Variants in CYSTM1 observed in about 807,000 individuals in gnomAD.
CYSTM1 encodes the protein cysteine rich transmembrane module containing 1.
Under a neutral mutation model 13.1 loss-of-function variants are expected in CYSTM1, and 4 were observed. The ratio of observed to expected loss-of-function variants is 0.31; its 90% CI spans 0.15 to 0.70. The LOEUF is 0.70. Among genes scored for constraint, CYSTM1 ranks in the 30% least tolerant of loss-of-function variants. CYSTM1 has a pLI of 0.72. For missense variants in CYSTM1, 96 were observed against 121.6 expected (o/e 0.79, Z 0.99); for synonymous variants, 36 against 42.7 (o/e 0.84, Z 0.62).
intron 2 of CYSTM1, among the ~76,000 whole-genome samples, chr5:140,237,065 CCTT>C (rs780195091): frequency 2.0e-5 from 3 of 152,110 alleles, no homozygotes; most frequent in Non-Finnish European, 4.4e-5. Flanking sequence ...AGCAGCCACT[CCTT>C]CTCCCGCACC....
chr5:140,208,535 T>C (rs138379294), intron 2 of CYSTM1, among the ~76,000 whole-genome samples: 3 of 152,280 alleles, frequency 2.0e-5, no homozygotes, highest in South Asian at 2.1e-4. Context: ...AGAGTGACTA[T>C]AGTCAGTAAT....
chr5:140,209,433 A>ATT (rs558015356), intron 2 of CYSTM1, among the ~76,000 whole-genome samples: 2 of 86,668 alleles, frequency 2.3e-5, no homozygotes, highest in African/African-American at 8.8e-5. Context: ...TGCCTGGCTA[A>ATT]TTTTTTTTTT....
chr5:140,236,588 A>G (rs1380588378), intron 2 of CYSTM1, among the ~76,000 whole-genome samples: 1 of 152,204 alleles, frequency 6.6e-6, no homozygotes, highest in Non-Finnish European at 1.5e-5. Flanking sequence ...CCTGTCTTAA[A>G]TGATATTAAC....
At chr5:140,182,612 G>A (rs1462321259) in intron 1 of CYSTM1, among the ~76,000 whole-genome samples, 4 of 151,214 alleles carry the variant, frequency 2.6e-5, no homozygotes, top group Non-Finnish European at 5.9e-5. Context: ...GATCTTTCTT[G>A]GGGGGCAGGA....
chr5:140,179,501 A>G (rs1299004719), intron 1 of CYSTM1, among the ~76,000 whole-genome samples: 1 of 151,634 alleles, frequency 6.6e-6, no homozygotes, highest in Non-Finnish European at 1.5e-5. Flanking sequence ...CGGAGGTTGC[A>G]ATGAGCCAAG....
intron 2 of CYSTM1, among the ~76,000 whole-genome samples, chr5:140,237,797 C>T (rs1291362043): frequency 6.6e-6 from 1 of 152,132 alleles, no homozygotes; most frequent in Non-Finnish European, 1.5e-5. Context: ...ACCTGGGGTT[C>T]CCTGGGCTTC....
chr5:140,182,428 C>G (rs1349007942), intron 1 of CYSTM1, among the ~76,000 whole-genome samples: 1 of 152,154 alleles, frequency 6.6e-6, no homozygotes, highest in Non-Finnish European at 1.5e-5. Context: ...CAATGTGAAA[C>G]CACTTCTGTT....
chr5:140,193,843 C>T (rs905769479), intron 1 of CYSTM1, among the ~76,000 whole-genome samples: 6 of 152,188 alleles, frequency 3.9e-5, no homozygotes, highest in African/African-American at 1.2e-4. Flanking sequence ...CTATAAACAG[C>T]GCTGTCCAAC....
chr5:140,177,073 A>AAAAAAACAAAAAACAAACAAAC (rs1447569506), intron 1 of CYSTM1, among the ~76,000 whole-genome samples: 8 of 150,616 alleles, frequency 5.3e-5, no homozygotes, highest in African/African-American at 1.5e-4. Context: ...TGTCTCAAAA[A>AAAAAAACAAAAAACAAACAAAC]AAAAAAAAAA....
intron 2 of CYSTM1, among the ~76,000 whole-genome samples, chr5:140,196,874 G>A (rs184065885): frequency 6.6e-6 from 1 of 152,230 alleles, no homozygotes; most frequent in Admixed American, 6.5e-5. Flanking sequence ...AAACTAGGGT[G>A]GGACTGGTTA....
At chr5:140,220,087 G>A (rs750192251) in intron 2 of CYSTM1, among the ~76,000 whole-genome samples, 9 of 152,180 alleles carry the variant, frequency 5.9e-5, no homozygotes, top group East Asian at 1.9e-4. Context: ...GACATTGGGG[G>A]TTTTTGGTTT....
At chr5:140,226,754 G>A (rs2126669225) in intron 2 of CYSTM1, among the ~76,000 whole-genome samples, 1 of 145,616 alleles carries the variant, frequency 6.9e-6, no homozygotes, top group East Asian at 2.0e-4. Flanking sequence ...CAACAAGAGT[G>A]ATACTCTGTC....
At chr5:140,234,717 A>G (rs889678141) in intron 2 of CYSTM1, among the ~76,000 whole-genome samples, 6 of 152,110 alleles carry the variant, frequency 3.9e-5, no homozygotes, top group Admixed American at 6.5e-5. Context: ...ATGTTGAGGG[A>G]CTTGTGGGCC....
At chr5:140,222,950 C>T (rs1764508501) in intron 2 of CYSTM1, among the ~76,000 whole-genome samples, 1 of 152,220 alleles carries the variant, frequency 6.6e-6, no homozygotes, top group Admixed American at 6.5e-5. Flanking sequence ...TTCTTACCCC[C>T]AAAACTCTGT....
At chr5:140,201,543 A>G (rs140872401) in intron 2 of CYSTM1, 2 of 152,296 alleles carry the variant, frequency 1.3e-5, no homozygotes, top group African/African-American at 4.8e-5. Context: ...TTGCTTACCT[A>G]TACTATACCT....
At chr5:140,209,038 C>CA (rs58604987) in intron 2 of CYSTM1, among the ~76,000 whole-genome samples, 241 of 91,264 alleles carry the variant, frequency 2.6e-3, no homozygotes, top group South Asian at 0.01. Flanking sequence ...GACTCCATCT[C>CA]AAAAAAAAAA....
intron 1 of CYSTM1, among the ~76,000 whole-genome samples, chr5:140,189,457 G>A (rs1336542791): frequency 1.3e-5 from 2 of 152,096 alleles, no homozygotes; most frequent in African/African-American, 2.4e-5. Context: ...GCAGAACCAT[G>A]AGCCAAAATA....
chr5:140,223,382 C>T (rs760989471), intron 2 of CYSTM1, among the ~76,000 whole-genome samples: 3 of 152,218 alleles, frequency 2.0e-5, no homozygotes, highest in Non-Finnish European at 4.4e-5. Flanking sequence ...TGGGACCTTA[C>T]TGTAGACACC....
intron 2 of CYSTM1, among the ~76,000 whole-genome samples, chr5:140,214,992 GTA>G (rs1188984433): frequency 6.6e-6 from 1 of 152,216 alleles, no homozygotes; most frequent in African/African-American, 2.4e-5. Context: ...GCATAGGGTG[GTA>G]TGTCTCTTAC....
Sources: allele counts gnomAD v4.1 joint callset (sites outside exome capture counted in the v4.1 genomes callset), GRCh38; gene constraint gnomAD v4.1.1; transcripts MANE v1.5; gene names NCBI Gene and HGNC (gene_info 2026-07-23, HGNC 2026-07-21).